Variants in TANC1 observed in about 807,000 individuals in gnomAD.
The protein encoded by TANC1 is tetratricopeptide repeat, ankyrin repeat and coiled-coil containing 1, also known as protein TANC1.
TANC1 carries 77 observed loss-of-function variants against 149.7 expected under a neutral mutation model. That is an observed-to-expected ratio of 0.51 (90% CI 0.43 to 0.62). The LOEUF is 0.62. TANC1 is among the 20% of genes least tolerant of loss of function. The pLI is 0.00. For missense variants in TANC1, 1,985 were observed against 2,321.8 expected (o/e 0.85, Z 2.98); for synonymous variants, 854 against 925.0 (o/e 0.92, Z 1.39).
chr2:159,158,176 G>A (rs2053631460), intron 7 of TANC1, among the ~76,000 whole-genome samples: 1 of 151,918 alleles, frequency 6.6e-6, no homozygotes, highest in African/African-American at 2.4e-5. Context: ...GGCAACATAG[G>A]GAGATTTTGT....
chr2:159,105,038 A>G (rs1184313392), intron 4 of TANC1, among the ~76,000 whole-genome samples: 2 of 91,780 alleles, frequency 2.2e-5, no homozygotes, highest in Non-Finnish European at 4.0e-5. Flanking sequence ...TCTATTGCCC[A>G]GGCTGGAGTG....
In TANC1 at chr2:159,032,632, A is replaced by C. The variant is rs188192849; in HGVS notation, c.-16+31443A>C. On this transcript the variant is annotated intron_variant, in intron 2 of 26. Transcript: ENST00000263635. ...TCAGTCGCAGCTTCTCAGGGCTGTCATTGTGCCCAGATCTAACACTGTCCC... is the reference window on the plus strand; with the variant it reads ...TCAGTCGCAGCTTCTCAGGGCTGTCCTTGTGCCCAGATCTAACACTGTCCC... 1.5e-3 allele frequency among the ~76,000 whole-genome samples: 229 copies of C among 152,224 alleles called. 2 individuals are homozygous for C. Among genetic ancestry groups the C allele is most frequent in the African/African-American group, 5.0e-3 (208 of 41,520 alleles).
At chr2:158,983,479 A>G (rs2149236973) in intron 1 of TANC1, among the ~76,000 whole-genome samples, 1 of 151,550 alleles carries the variant, frequency 6.6e-6, no homozygotes, top group African/African-American at 2.4e-5. Context: ...AAAAAAAAAA[A>G]AAAAAAAACA....
At chr2:159,066,253 A>T (rs182415244) in intron 3 of TANC1, among the ~76,000 whole-genome samples, 3 of 152,278 alleles carry the variant, frequency 2.0e-5, no homozygotes, top group East Asian at 3.9e-4. Context: ...CTACAAAAAA[A>T]TTTTAAAAAA....
At position 159,183,465 on chromosome 2, in the gene TANC1, C is replaced by A. The variant is rs149063648; in HGVS notation, c.2511-2326C>A. Among the ~76,000 whole-genome samples the A allele has an allele frequency of 2.8e-3, 432 of 152,242 alleles. 3 individuals are homozygous for A. Among genetic ancestry groups the A allele is most frequent in the African/African-American group, 9.1e-3 (377 of 41,538 alleles). On this transcript the variant is annotated intron_variant, in intron 14 of 26. Transcript: ENST00000263635. Reference sequence around the variant, plus strand: ...TCATTAGAGAAAAGATAGCACTGGGCTTCCAGGGCGTGGAGGAGGGTTTCA... The same window carrying A: ...TCATTAGAGAAAAGATAGCACTGGGATTCCAGGGCGTGGAGGAGGGTTTCA...
Position 159,193,815 on chromosome 2 carries a change from C to T in TANC1, c.2743-442C>T, listed in dbSNP as rs143121425. 5.1e-4 allele frequency among the ~76,000 whole-genome samples: 77 copies of T among 152,290 alleles called. 1 individual carries two copies. The East Asian group carries it at 0.013, about 26-fold the overall frequency. On this transcript the variant is annotated intron_variant, in intron 16 of 26. Transcript: ENST00000263635. ...GAATTACAGGCGTGAGCCACCGCAC[C>T]TGGCCTCTACTGACATTTTTAATTA...
chr2:159,208,376 G>A (rs1461634756), intron 19 of TANC1, among the ~76,000 whole-genome samples: 1 of 152,192 alleles, frequency 6.6e-6, no homozygotes, highest in Non-Finnish European at 1.5e-5. Flanking sequence ...TCACACACAT[G>A]AAGTCCTGTT....
intron 9 of TANC1, 33 bp from the exon 10 acceptor site, chr2:159,170,491 A>T: frequency 1.9e-6 from 3 of 1,558,494 alleles, no homozygotes; most frequent in Non-Finnish European, 2.6e-6. Flanking sequence ...AAATTATGAC[A>T]TTTTTCTAAA....
In TANC1 at chr2:159,179,133, G is replaced by A; in HGVS notation, c.2480G>A (p.Gly827Glu). The stretch of plus-strand genomic sequence containing the variant: ...GAGTGGCTTGTATGGAGAGCAGACG[G>A]GGAAAACACGGCCTTCCTGTGTGAG... ...FREWLVWRAD[G>E]ENTAFLCEPR... Residue 827 changes from glycine to glutamate, a missense_variant, in exon 14 of 27, where the codon GGG becomes GAG. Physicochemically the swap from Gly to Glu is moderately conservative, Grantham distance 98 (BLOSUM62 -2). Transcript: ENST00000263635. 5 of 1,612,842 alleles carry A rather than the reference G, an allele frequency of 3.1e-6. No individual in the cohort carries two copies. Among genetic ancestry groups the A allele is most frequent in the Non-Finnish European group, 4.2e-6 (5 of 1,179,574 alleles).
chr2:159,095,356 C>A (rs553796418), intron 3 of TANC1, among the ~76,000 whole-genome samples: 8 of 152,260 alleles, frequency 5.3e-5, no homozygotes, highest in African/African-American at 1.9e-4. Flanking sequence ...ATAGGTAACC[C>A]AGGAGAGACT....
intron 14 of TANC1, among the ~76,000 whole-genome samples, chr2:159,179,891 C>T (rs555529657): frequency 2.0e-5 from 3 of 152,096 alleles, no homozygotes; most frequent in Non-Finnish European, 4.4e-5. Context: ...ATGGCAAGCC[C>T]CCAACTTCCA....
At chr2:159,212,607 G>A (rs904522706) in intron 19 of TANC1, among the ~76,000 whole-genome samples, 3 of 152,042 alleles carry the variant, frequency 2.0e-5, no homozygotes, top group African/African-American at 7.2e-5. Context: ...TCCAAGAGGT[G>A]GCTTAGATTT....
At chr2:159,052,368 A>C (rs2041538946) in intron 2 of TANC1, among the ~76,000 whole-genome samples, 1 of 152,130 alleles carries the variant, frequency 6.6e-6, no homozygotes, top group Non-Finnish European at 1.5e-5. Flanking sequence ...GAATCATGGG[A>C]CTTGCCTTTA....
intron 22 of TANC1, among the ~76,000 whole-genome samples, chr2:159,222,076 G>A (rs896853477): frequency 9.2e-5 from 14 of 152,134 alleles, no homozygotes; most frequent in Non-Finnish European, 4.4e-5. Context: ...GAGTTCAATG[G>A]TATAAACTTC....
At position 159,187,036 on chromosome 2, in the gene TANC1, T is replaced by C; in HGVS notation, c.2742+12T>C. The C allele has an allele frequency of 6.2e-6, 10 of 1,613,930 alleles. No homozygotes were observed. The highest frequency in any genetic ancestry group is 8.5e-6 in the Non-Finnish European group (10 of 1,179,912). ...CTCCCAACGTGAAGGTGAGCAACCTTCTGCACAGAGAGCCGGAGACCCAGC... is the reference window on the plus strand; with the variant it reads ...CTCCCAACGTGAAGGTGAGCAACCTCCTGCACAGAGAGCCGGAGACCCAGC... On this transcript the variant is annotated intron_variant, in intron 16 of 26. Transcript: ENST00000263635.
rs751471026 is a variant in TANC1, at chr2:159,230,806, G to A, written c.5380G>A (p.Val1794Ile). Reference protein sequence around the residue: ...TCSVSTLSASVHNGAQVKELE... With the variant: ...TCSVSTLSASIHNGAQVKELE... ...TTCTGTTTCTACCCTGAGTGCAAGT[G>A]TCCACAATGGGGCACAAGTGAAGGA... The change falls in exon 27 of 27, where the codon GTC (valine) becomes ATC (isoleucine). Residue 1794 changes from valine (V) to isoleucine (I), a missense_variant. Around this residue, in one of 3 missense-constraint regions of TANC1, gnomAD observed 920 missense variants for 994.7 expected, o/e 0.92. Transcript: ENST00000263635. This position sits in a 1 kb window ranked among gnomAD's most constrained non-coding sequence, Gnocchi z 4.4. 1.4e-5 allele frequency: 22 copies of A among 1,614,078 alleles called. No homozygotes were observed. Among genetic ancestry groups the A allele is most frequent in the Non-Finnish European group, 1.9e-5 (22 of 1,180,040 alleles).
intron 18 of TANC1, 121 bp from the exon 19 acceptor site, chr2:159,198,854 C>A (rs2058049188): frequency 3.3e-6 from 2 of 604,574 alleles, no homozygotes; most frequent in Middle Eastern, 2.7e-4. Context: ...TTATATTTTT[C>A]TCTCCTTGGG....
intron 7 of TANC1, among the ~76,000 whole-genome samples, chr2:159,159,231 A>G (rs2053745183): frequency 6.6e-6 from 1 of 152,080 alleles, no homozygotes; most frequent in East Asian, 1.9e-4. Context: ...GGATTGCTTG[A>G]GCTCAGGAGT....
intron 4 of TANC1, among the ~76,000 whole-genome samples, chr2:159,122,637 A>G (rs187639121): frequency 1.3e-3 from 203 of 152,200 alleles, no homozygotes; most frequent in African/African-American, 4.5e-3. Context: ...CTCCAAACCT[A>G]TAGTTTTGCC....
Sources: allele counts gnomAD v4.1 joint callset (sites outside exome capture counted in the v4.1 genomes callset), GRCh38; gene constraint gnomAD v4.1.1; regional missense constraint gnomAD v4.1.1; non-coding constraint Gnocchi (gnomAD v3.1); transcripts MANE v1.5; gene names NCBI Gene and HGNC (gene_info 2026-07-23, HGNC 2026-07-21).